Variants in KDM5B observed in about 807,000 individuals in gnomAD.
KDM5B encodes the protein lysine demethylase 5B.
A neutral mutation model predicts 193.4 loss-of-function variants in KDM5B; 144 were observed. The observed-to-expected ratio is 0.74, with a 90% confidence interval of 0.65 to 0.86. The LOEUF is 0.86. Among genes scored for constraint, KDM5B ranks in the 40% least tolerant of loss-of-function variants. The pLI, the probability that KDM5B is intolerant of heterozygous loss-of-function variation, is 0.00. For missense variants in KDM5B, 1,833 were observed against 1,886.9 expected, an observed-to-expected ratio of 0.97 and a Z score of 0.53; for synonymous variants, 668 against 682.6, an observed-to-expected ratio of 0.98 and a Z score of 0.33.
chr1:202,731,685 C>T (rs1654887950), intron 24 of KDM5B, 143 bp downstream of exon 24: 4 of 644,538 alleles, frequency 6.2e-6, no homozygotes, highest in South Asian at 1.8e-5. Flanking sequence ...GATCCCTTCC[C>T]TATTTTGCAA....
In KDM5B at chr1:202,808,356, T is replaced by G; in HGVS notation, c.-51A>C. On this transcript the variant is annotated 5_prime_UTR_variant, in exon 1 of 27. Coordinates refer to ENST00000367265, the MANE Select transcript of KDM5B (RefSeq NM_006618.5). ...CGAAGGTGGGCTCCGGGACCGAGGCTGCGAGCTCCGCTCGGTCCGAGACCC... is the reference window on the plus strand; with the variant it reads ...CGAAGGTGGGCTCCGGGACCGAGGCGGCGAGCTCCGCTCGGTCCGAGACCC... 1 of 1,479,916 alleles carries G rather than the reference T, an allele frequency of 6.8e-7. No homozygotes were observed. The highest frequency in any genetic ancestry group is 9.0e-7 in the Non-Finnish European group (1 of 1,113,882). The allele number at this position is 1,479,916 out of a possible 1,614,324, so 91.7% of individuals were successfully genotyped here.
chr1:202,768,161 G>C (rs554265730), intron 4 of KDM5B, among the ~76,000 whole-genome samples: 1 of 152,286 alleles, frequency 6.6e-6, no homozygotes, highest in East Asian at 1.9e-4. Context: ...GATCAGAAAT[G>C]CATCTCTTCT....
intron 9 of KDM5B, among the ~76,000 whole-genome samples, chr1:202,758,100 T>C (rs1248379601): frequency 1.3e-5 from 2 of 152,258 alleles, no homozygotes; most frequent in Non-Finnish European, 2.9e-5. Context: ...GTATTCTTTA[T>C]ATTTGTTGGG....
chr1:202,729,322 G>A (rs1654787953), intron 26 of KDM5B, 149 bp from the exon 27 acceptor site: 1 of 802,992 alleles, frequency 1.2e-6, no homozygotes, highest in South Asian at 1.7e-5. Context: ...AGCCAAATGA[G>A]TGTAGCTGGC....
At chr1:202,802,166 C>G (rs1361606381) in intron 1 of KDM5B, among the ~76,000 whole-genome samples, 1 of 152,092 alleles carries the variant, frequency 6.6e-6, no homozygotes, top group Non-Finnish European at 1.5e-5. Flanking sequence ...AAGAAGTACA[C>G]GCATAGGCTT....
chr1:202,788,909 T>G (rs1657522390), intron 1 of KDM5B, among the ~76,000 whole-genome samples: 1 of 152,136 alleles, frequency 6.6e-6, no homozygotes, highest in Non-Finnish European at 1.5e-5. Context: ...ATTATATACT[T>G]TAAAAAGATT....
intron 8 of KDM5B, among the ~76,000 whole-genome samples, chr1:202,759,892 T>C (rs960330232): frequency 6.6e-6 from 1 of 152,206 alleles, no homozygotes; most frequent in Non-Finnish European, 1.5e-5. Context: ...AAGATACTTA[T>C]TACAAATTAT....
chr1:202,796,370 G>T, intron 1 of KDM5B: 1 of 303,414 alleles, frequency 3.3e-6, no homozygotes. Context: ...AGGCACAAGG[G>T]CACCAGGACC....
chr1:202,767,243 G>C, intron 4 of KDM5B, 183 bp from the exon 5 acceptor site: 1 of 1,587,356 alleles, frequency 6.3e-7, no homozygotes, highest in Non-Finnish European at 8.6e-7. Context: ...GTTTTAAGCA[G>C]TTGGTGTCTT....
At chr1:202,798,088 A>C (rs1657921990) in intron 1 of KDM5B, among the ~76,000 whole-genome samples, 1 of 152,174 alleles carries the variant, frequency 6.6e-6, no homozygotes, top group Non-Finnish European at 1.5e-5. Flanking sequence ...AGTCCCAGCT[A>C]CTAGGGAGGC....
chr1:202,731,948 G>A lies in KDM5B; in HGVS notation c.3910-9C>T. 1 of 1,569,576 alleles carries A rather than the reference G, an allele frequency of 6.4e-7. No individual in the cohort carries two copies. Among genetic ancestry groups the A allele is most frequent in the South Asian group, 1.1e-5 (1 of 89,466 alleles). On this transcript the variant is annotated splice_polypyrimidine_tract_variant and intron_variant, in intron 23 of 26. Transcript: ENST00000367265. ...CCAGGAGGTTGAGATACCTAATGGA[G>A]GGAAAACGTTTTATAATAAAATCTC... is the stretch of plus-strand genomic sequence containing the variant.
Position 202,741,677 on chromosome 1 carries a change from G to A in KDM5B, c.2635C>T (p.Leu879=), listed in dbSNP as rs776833453. The part of the protein sequence containing the change: ...VEDFQQHSQK[L]LSEETPSAAE... ...GCACTAGGCGTTTCCTCAGAGAGTA[G>A]TTTCTGACTATGCTGTTGAAAATCT... Residue 879 remains leucine (L), a synonymous_variant, in exon 19 of 27, where the codon CTA becomes TTA. Coordinates refer to ENST00000367265, the MANE Select transcript of KDM5B (RefSeq NM_006618.5). 7.4e-6 allele frequency: 12 copies of A among 1,612,820 alleles called. No homozygotes were observed. The Middle Eastern group carries it at 5.0e-4, about 67-fold the overall frequency.
chr1:202,739,563 G>A (rs1005196482), intron 20 of KDM5B, among the ~76,000 whole-genome samples: 4 of 151,896 alleles, frequency 2.6e-5, no homozygotes, highest in Non-Finnish European at 1.5e-5. Context: ...TGGAGGGAAC[G>A]TCAGCAGATA....
chr1:202,802,585 G>T lies in KDM5B; in HGVS notation c.204+5517C>A, dbSNP rs1658120994. On this transcript the variant is annotated intron_variant, in intron 1 of 26. Coordinates refer to ENST00000367265, the MANE Select transcript of KDM5B (RefSeq NM_006618.5). ...TTTTTATATTTTTAGTAGAGACAGG[G>T]TTTCGCTATGTTGGCCAGGCTGGTC... 2.0e-5 allele frequency among the ~76,000 whole-genome samples: 3 copies of T among 151,992 alleles called. No individual in the cohort carries two copies. In the South Asian group the frequency reaches 6.2e-4, roughly 32 times the overall value.
chr1:202,777,118 T>C (rs1427744874), intron 1 of KDM5B, 24 bp from the exon 2 acceptor site: 1 of 1,555,034 alleles, frequency 6.4e-7, no homozygotes, highest in Non-Finnish European at 8.9e-7. Context: ...AAGGCTCTTA[T>C]TAGAATAACT....
At chr1:202,802,080 C>A (rs1033409111) in intron 1 of KDM5B, among the ~76,000 whole-genome samples, 29 of 151,810 alleles carry the variant, frequency 1.9e-4, no homozygotes, top group African/African-American at 3.6e-4. Context: ...AATCTCAACA[C>A]TGAGAGGACT....
Position 202,758,425 on chromosome 1 carries a change from G to A in KDM5B, c.1163C>T (p.Ala388Val), listed in dbSNP as rs61750266. 11 of 1,612,798 alleles carry A rather than the reference G, an allele frequency of 6.8e-6. No homozygotes were observed. The highest frequency in any genetic ancestry group is 1.3e-5 in the African/African-American group (1 of 74,886). Reference protein sequence around the residue: ...TLRTFGEMADAFKSDYFNMPV... With the variant: ...TLRTFGEMADVFKSDYFNMPV... ...CATGTTGAAGTAATCAGATTTGAAC[G>A]CATCTGCCATTTCCCCAAAAGTACG... is the stretch of plus-strand genomic sequence containing the variant. The change falls in exon 9 of 27, where the codon GCG (alanine) becomes GTG (valine). Residue 388 changes from alanine to valine, a missense_variant. Ala to Val is a moderately conservative substitution (Grantham distance 64). This residue lies in a region of KDM5B where 99 missense variants were observed against 162.4 expected (regional missense o/e 0.61). Coordinates refer to ENST00000367265, the MANE Select transcript of KDM5B (RefSeq NM_006618.5).
intron 1 of KDM5B, among the ~76,000 whole-genome samples, chr1:202,782,299 G>C (rs142069327): frequency 6.6e-6 from 1 of 152,280 alleles, no homozygotes; most frequent in East Asian, 1.9e-4. Context: ...TATTTGTAAT[G>C]TTCACTATCA....
At position 202,749,080 on chromosome 1, in the gene KDM5B, A is replaced by G. The variant is rs754145586; in HGVS notation, c.1881T>C (p.Phe627=). The G allele has an allele frequency of 3.1e-6, 5 of 1,614,212 alleles. No homozygotes were observed. In the South Asian group the frequency reaches 5.5e-5, roughly 18 times the overall value. ...HYRLLHRYCV[F]SHDEMICKMA... is the part of the protein sequence containing the mutation. ...TCTTGCAGATCATCTCATCGTGGGA[A>G]AACACACAATATCGATGAAGCAAGC... Residue 627 remains phenylalanine (F), a synonymous_variant, in exon 14 of 27, where the codon TTT becomes TTC. Coordinates refer to ENST00000367265, the MANE Select transcript of KDM5B (RefSeq NM_006618.5).
Sources: gnomAD v4.1 joint callset for allele counts (sites outside exome capture counted in the v4.1 genomes callset) on GRCh38, gnomAD v4.1.1 for gene constraint, gnomAD v4.1.1 regional missense constraint, MANE v1.5 for transcripts, NCBI Gene and HGNC (gene_info 2026-07-23, HGNC 2026-07-21) for gene names.